The following DNM3 variants were observed in gnomAD, a reference collection of about 807,000 sequenced individuals.
The protein encoded by DNM3 is dynamin-3.
A neutral mutation model predicts 101.6 loss-of-function variants in DNM3; 47 were observed. The observed-to-expected ratio is 0.46, with a 90% CI of 0.37 to 0.59. The LOEUF (loss-of-function observed/expected upper bound fraction) is 0.59, where lower values mean the gene tolerates loss of function less well. Ranked by LOEUF, DNM3 falls within the 20% of genes least tolerant of loss-of-function variation. The probability of loss-of-function intolerance (pLI) is 0.00; values close to 1 mark genes in which losing one functional copy is unlikely to be tolerated. For missense variants in DNM3, 849 were observed against 1,085.7 expected (o/e 0.78, Z 3.06); for synonymous variants, 385 against 387.9 (o/e 0.99, Z 0.09).
chr1:171,971,137 A>AT (rs1558348528), intron 2 of DNM3, among the ~76,000 whole-genome samples: 1 of 152,050 alleles, frequency 6.6e-6, no homozygotes, highest in Non-Finnish European at 1.5e-5. Flanking sequence ...AATTTCACAC[A>AT]TTTTTATTTT....
chr1:171,960,415 T>A (rs541515285), intron 2 of DNM3, among the ~76,000 whole-genome samples: 1 of 152,182 alleles, frequency 6.6e-6, no homozygotes, highest in Admixed American at 6.5e-5. Flanking sequence ...ATAACTAGTG[T>A]GTGATTAGGT....
At chr1:172,160,248 A>AT (rs1166673225) in intron 14 of DNM3, among the ~76,000 whole-genome samples, 1 of 151,836 alleles carries the variant, frequency 6.6e-6, no homozygotes, top group African/African-American at 2.4e-5. Context: ...TTATGCAAAT[A>AT]TTTTTTTCTT....
intron 12 of DNM3, among the ~76,000 whole-genome samples, chr1:172,084,757 G>A (rs2053411963): frequency 2.6e-5 from 4 of 152,084 alleles, no homozygotes; most frequent in Admixed American, 6.6e-5. Flanking sequence ...TGGGGTTGAA[G>A]AAAACAAGCA....
intron 2 of DNM3, among the ~76,000 whole-genome samples, chr1:171,969,644 G>A (rs942733570): frequency 5.3e-5 from 8 of 152,094 alleles, no homozygotes; most frequent in African/African-American, 1.7e-4. Context: ...ATTCTAGAAA[G>A]GGTCTCTCCC....
intron 1 of DNM3, among the ~76,000 whole-genome samples, chr1:171,891,822 C>T (rs1384117779): frequency 6.6e-6 from 1 of 152,172 alleles, no homozygotes; most frequent in Non-Finnish European, 1.5e-5. Context: ...TCCATCATCA[C>T]CTGGCTCTGG....
intron 14 of DNM3, among the ~76,000 whole-genome samples, chr1:172,210,725 A>G (rs1403759152): frequency 6.6e-6 from 1 of 152,168 alleles, no homozygotes; most frequent in African/African-American, 2.4e-5. Flanking sequence ...AAATATGTTC[A>G]AAAAGAAAAG....
chr1:172,368,291 G>A (rs1255662110), intron 17 of DNM3, among the ~76,000 whole-genome samples: 7 of 151,486 alleles, frequency 4.6e-5, no homozygotes, highest in Non-Finnish European at 7.4e-5. Flanking sequence ...TTATCACAAT[G>A]GAATAAAACT....
intron 4 of DNM3, among the ~76,000 whole-genome samples, chr1:172,022,889 A>T (rs77287222): frequency 0.014 from 2,186 of 152,262 alleles, 51 homozygotes; most frequent in African/African-American, 0.048. Context: ...ATTCTACTAA[A>T]AGAATCATAT....
chr1:172,337,866 T>TTTTATTTTTATTTTATTTTA (rs2066501774), intron 17 of DNM3, among the ~76,000 whole-genome samples: 4 of 113,128 alleles, frequency 3.5e-5, no homozygotes, highest in African/African-American at 1.3e-4. Context: ...TTTTATTTTA[T>TTTTATTTTTATTTTATTTTA]TTTTATTTTA....
chr1:172,184,094 A>T (rs1474972091), intron 14 of DNM3, among the ~76,000 whole-genome samples: 1 of 151,984 alleles, frequency 6.6e-6, no homozygotes, highest in Admixed American at 6.6e-5. Context: ...TAGCGTGAGG[A>T]TCCCTATCCT....
chr1:171,865,636 G>A (rs1466013902), intron 1 of DNM3, among the ~76,000 whole-genome samples: 1 of 152,002 alleles, frequency 6.6e-6, no homozygotes, highest in African/African-American at 2.4e-5. Flanking sequence ...ACCTAATAAT[G>A]GGATTAAACA....
At chr1:172,332,259 C>T (rs935948997) in intron 17 of DNM3, among the ~76,000 whole-genome samples, 9 of 152,164 alleles carry the variant, frequency 5.9e-5, no homozygotes, top group Non-Finnish European at 1.2e-4. Flanking sequence ...ATTTCTTGCT[C>T]AAGCTGCATA....
chr1:172,347,492 G>C (rs537386546), intron 17 of DNM3, among the ~76,000 whole-genome samples: 3 of 152,204 alleles, frequency 2.0e-5, no homozygotes, highest in Admixed American at 2.0e-4. Flanking sequence ...CAGATTGGGG[G>C]AATGACTTCT....
At chr1:172,016,142 G>T (rs1324668239) in intron 4 of DNM3, among the ~76,000 whole-genome samples, 1 of 150,314 alleles carries the variant, frequency 6.7e-6, no homozygotes, top group East Asian at 2.0e-4. Flanking sequence ...AGCCAAGATT[G>T]TGCCACTGCA....
At chr1:172,257,845 C>A (rs1406762855) in intron 15 of DNM3, among the ~76,000 whole-genome samples, 1 of 151,078 alleles carries the variant, frequency 6.6e-6, no homozygotes, top group Non-Finnish European at 1.5e-5. Context: ...CATTAGCCAA[C>A]CTTTCTTCAT....
chr1:172,373,257 A>G (rs1295719679), intron 17 of DNM3, among the ~76,000 whole-genome samples: 1 of 152,050 alleles, frequency 6.6e-6, no homozygotes, highest in African/African-American at 2.4e-5. Context: ...CTGTCACCTT[A>G]TTGCTTTGTA....
Position 172,115,543 on chromosome 1 carries a change from G to A in DNM3, c.1546-15632G>A, listed in dbSNP as rs138660262. 1.4e-4 allele frequency among the ~76,000 whole-genome samples: 22 copies of A among 152,214 alleles called. No individual in the cohort carries two copies. In the East Asian group the frequency reaches 3.5e-3, roughly 24 times the overall value. On this transcript the variant is annotated intron_variant, in intron 13 of 20. Transcript: ENST00000627582. ...ATGACTGTTAAGGTCTATGGGATCC[G>A]TCTCCTCCAGCCTCTCTGATCCAAG...
At chr1:172,397,931 T>A (rs1558090405) in intron 20 of DNM3, among the ~76,000 whole-genome samples, 1 of 152,206 alleles carries the variant, frequency 6.6e-6, no homozygotes. Flanking sequence ...AAAAATAAGT[T>A]TCAGTAAAAT....
At chr1:172,257,308 G>A (rs896043196) in intron 15 of DNM3, among the ~76,000 whole-genome samples, 7 of 152,110 alleles carry the variant, frequency 4.6e-5, no homozygotes, top group East Asian at 3.9e-4. Context: ...GGGAACAGGC[G>A]GGGAGACAAA....
Sources: allele counts gnomAD v4.1 joint callset (sites outside exome capture counted in the v4.1 genomes callset), GRCh38; gene constraint gnomAD v4.1.1; transcripts MANE v1.5; gene names NCBI Gene and HGNC (gene_info 2026-07-23, HGNC 2026-07-21).